The following TASP1 variants were observed in gnomAD, a reference collection of about 807,000 sequenced individuals.
The protein encoded by TASP1 is threonine aspartase 1.
Under a neutral mutation model 56.6 loss-of-function variants are expected in TASP1, and 16 were observed. The ratio of observed to expected loss-of-function variants is 0.28; its 90% CI spans 0.19 to 0.43. TASP1 has a LOEUF of 0.43. Ranked by LOEUF, TASP1 falls within the 20% of genes least tolerant of loss-of-function variation. The probability of loss-of-function intolerance (pLI) is 1.00; values close to 1 mark genes in which losing one functional copy is unlikely to be tolerated. For synonymous variants in TASP1, 179 were observed against 184.2 expected, an observed-to-expected ratio of 0.97 and a Z score of 0.23; for missense variants, 393 against 511.6, an observed-to-expected ratio of 0.77 and a Z score of 2.24.
chr20:13,326,644 T>A, the TASP1 span, among the ~76,000 whole-genome samples: 3 of 152,192 alleles, frequency 2.0e-5, no homozygotes, highest in Admixed American at 2.0e-4. Context: ...TTTCTTTGCC[T>A]TTCATAAATC....
chr20:13,569,449 T>C, intron 7 of TASP1, 58 bp downstream of exon 7: 1 of 1,307,654 alleles, frequency 7.6e-7, no homozygotes, highest in Non-Finnish European at 1.1e-6. Flanking sequence ...ACAGAAGCAA[T>C]ATTATACTTT....
At chr20:13,220,434 G>T in the TASP1 span, among the ~76,000 whole-genome samples, 1 of 152,220 alleles carries the variant, frequency 6.6e-6, no homozygotes, top group African/African-American at 2.4e-5. Context: ...GTCATGAGGC[G>T]GTGGCCCGGG....
At chr20:13,378,973 CA>C in the TASP1 span, among the ~76,000 whole-genome samples, 1 of 152,132 alleles carries the variant, frequency 6.6e-6, no homozygotes, top group South Asian at 2.1e-4. Context: ...TGTGTCTTTG[CA>C]TGTGAGATGG....
the TASP1 span, among the ~76,000 whole-genome samples, chr20:13,224,948 C>T: frequency 1.3e-5 from 2 of 150,682 alleles, no homozygotes; most frequent in Non-Finnish European, 2.9e-5. Context: ...CGGGTTCATG[C>T]CATTCTCCTG....
chr20:13,472,274 T>C (rs2044534846), intron 11 of TASP1, among the ~76,000 whole-genome samples: 1 of 150,988 alleles, frequency 6.6e-6, no homozygotes, highest in Non-Finnish European at 1.5e-5. Context: ...GAAAACTGGC[T>C]AGCCTTATGT....
At chr20:13,189,553 A>C in the TASP1 span, among the ~76,000 whole-genome samples, 1 of 152,200 alleles carries the variant, frequency 6.6e-6, no homozygotes, top group Admixed American at 6.5e-5. Context: ...ATATGAAAAA[A>C]CGCTCAACAT....
At chr20:13,475,686 G>A (rs779173647) in intron 11 of TASP1, among the ~76,000 whole-genome samples, 17 of 152,212 alleles carry the variant, frequency 1.1e-4, no homozygotes, top group Admixed American at 2.6e-4. Flanking sequence ...CCTGAGGTCA[G>A]GAGTTTGAGA....
At chr20:13,236,115 G>A in the TASP1 span, among the ~76,000 whole-genome samples, 1 of 151,946 alleles carries the variant, frequency 6.6e-6, no homozygotes, top group Non-Finnish European at 1.5e-5. Flanking sequence ...AGTAGAGACG[G>A]GGTTTCACCA....
the TASP1 span, among the ~76,000 whole-genome samples, chr20:13,171,996 T>G: frequency 4.7e-4 from 71 of 151,490 alleles, 2 homozygotes; most frequent in East Asian, 0.013. Flanking sequence ...TGAAAATCAA[T>G]AGAAAGCAAA....
chr20:13,267,074 T>C, the TASP1 span, among the ~76,000 whole-genome samples: 1 of 152,348 alleles, frequency 6.6e-6, no homozygotes, highest in African/African-American at 2.4e-5. Flanking sequence ...TTGTTATTGA[T>C]TGAATAAAAC....
chr20:13,130,646 G>A, the TASP1 span, among the ~76,000 whole-genome samples: 3 of 152,218 alleles, frequency 2.0e-5, no homozygotes, highest in Non-Finnish European at 4.4e-5. Flanking sequence ...AGGGGCTGCA[G>A]GCCGTGCATG....
chr20:13,615,093 T>C (rs995142233), intron 4 of TASP1, among the ~76,000 whole-genome samples: 1 of 152,222 alleles, frequency 6.6e-6, no homozygotes, highest in Non-Finnish European at 1.5e-5. Context: ...GAAAGAGGGA[T>C]ACTAGTAACT....
chr20:13,214,560 CACAG>C, the TASP1 span, among the ~76,000 whole-genome samples: 125 of 118,392 alleles, frequency 1.1e-3, 1 homozygote, highest in Middle Eastern at 0.015. Context: ...CACACACACA[CACAG>C]AGAGAGAGAG....
the TASP1 span, among the ~76,000 whole-genome samples, chr20:13,337,999 G>C: frequency 6.6e-6 from 1 of 152,162 alleles, no homozygotes; most frequent in Non-Finnish European, 1.5e-5. Flanking sequence ...GAGGGTTCTT[G>C]GATCTTGTGC....
the TASP1 span, among the ~76,000 whole-genome samples, chr20:13,211,910 C>A: frequency 6.6e-6 from 1 of 151,926 alleles, no homozygotes; most frequent in Non-Finnish European, 1.5e-5. Flanking sequence ...TTGATTTTTT[C>A]TTCTTGTGGC....
intron 8 of TASP1, 101 bp downstream of exon 8, chr20:13,558,907 C>T (rs1421993598): frequency 4.8e-6 from 3 of 629,932 alleles, no homozygotes; most frequent in Middle Eastern, 2.7e-4. Flanking sequence ...ATGTGACACA[C>T]ATTCTATTTC....
the TASP1 span, among the ~76,000 whole-genome samples, chr20:13,364,562 G>GAT: frequency 6.6e-6 from 1 of 152,142 alleles, no homozygotes; most frequent in African/African-American, 2.4e-5. Context: ...AGGTCCACCT[G>GAT]ATATATAGCA....
At chr20:13,635,395 T>C (rs966239080) in intron 1 of TASP1, among the ~76,000 whole-genome samples, 1 of 150,924 alleles carries the variant, frequency 6.6e-6, no homozygotes, top group African/African-American at 2.4e-5. Context: ...TTCTTTTTTT[T>C]TTTTTTTTTT....
the TASP1 span, among the ~76,000 whole-genome samples, chr20:13,153,781 C>G: frequency 1.7e-4 from 26 of 152,154 alleles, no homozygotes; most frequent in Admixed American, 1.6e-3. Context: ...TGCAGCACCT[C>G]GTAGAACCCT....
Sources: allele counts gnomAD v4.1 joint callset (sites outside exome capture counted in the v4.1 genomes callset), GRCh38; gene constraint gnomAD v4.1.1; transcripts MANE v1.5; gene names NCBI Gene and HGNC (gene_info 2026-07-23, HGNC 2026-07-21).